The following WDPCP variants were observed in gnomAD, a reference collection of about 807,000 sequenced individuals.
WDPCP encodes WD repeat containing planar cell polarity effector.
A neutral mutation model predicts 93.1 loss-of-function variants in WDPCP; 71 were observed. The ratio of observed to expected loss-of-function variants is 0.76; its 90% CI spans 0.63 to 0.93. The LOEUF is 0.93. Among genes scored for constraint, WDPCP ranks in the 40% least tolerant of loss-of-function variants. WDPCP has a pLI of 0.00. For synonymous variants in WDPCP, 315 were observed against 315.0 expected (o/e 1.00, Z 0.00); for missense variants, 844 against 887.4 (o/e 0.95, Z 0.62).
intron 1 of WDPCP, among the ~76,000 whole-genome samples, chr2:63,577,370 T>C (rs1708185722): frequency 6.6e-6 from 1 of 152,188 alleles, no homozygotes; most frequent in Non-Finnish European, 1.5e-5. Flanking sequence ...AAGATATGTT[T>C]CCTCTAAATA....
In WDPCP at chr2:63,738,303, T is replaced by C. The variant is rs1669666273; in HGVS notation, n.308+75319A>G. Reference sequence around the variant, plus strand: ...TGATTGTATAATATTATCCACTTTATTTCACTTGTAATACGTGGTTTATCT... The same window carrying C: ...TGATTGTATAATATTATCCACTTTACTTCACTTGTAATACGTGGTTTATCT... On this transcript the variant is annotated intron_variant and non_coding_transcript_variant, in intron 2 of 4. Transcript: ENST00000467687. 3.3e-5 allele frequency among the ~76,000 whole-genome samples: 5 copies of C among 152,168 alleles called. No individual in the cohort carries two copies. The South Asian group carries it at 1.0e-3, about 32-fold the overall frequency.
chr2:63,338,842 G>A (rs1200139635), intron 12 of WDPCP, among the ~76,000 whole-genome samples: 1 of 151,264 alleles, frequency 6.6e-6, no homozygotes. Flanking sequence ...TTTTTGTTCA[G>A]GATTGCTTTG....
At chr2:63,217,952 C>T (rs903892701) in intron 14 of WDPCP, among the ~76,000 whole-genome samples, 4 of 152,058 alleles carry the variant, frequency 2.6e-5, no homozygotes, top group African/African-American at 9.7e-5. Context: ...AAGGTTGTCC[C>T]CTTAAGGTTG....
intron 3 of WDPCP, chr2:63,595,284 G>A: frequency 1.4e-6 from 1 of 693,614 alleles, no homozygotes; most frequent in Non-Finnish European, 2.7e-6. Flanking sequence ...CTAGATACCT[G>A]ACCTCCTAAA....
At chr2:63,671,188 C>T (rs1209899827) in intron 2 of WDPCP, among the ~76,000 whole-genome samples, 4 of 152,096 alleles carry the variant, frequency 2.6e-5, no homozygotes, top group African/African-American at 9.7e-5. Context: ...CCTACTAGAC[C>T]TCCAACTACA....
chr2:63,224,614 T>C (rs1275199110), intron 14 of WDPCP, among the ~76,000 whole-genome samples: 2 of 151,988 alleles, frequency 1.3e-5, no homozygotes, highest in African/African-American at 2.4e-5. Flanking sequence ...ATTAAATGCA[T>C]ATCACCAAGT....
chr2:63,285,113 C>G (rs1211872775), intron 13 of WDPCP, among the ~76,000 whole-genome samples: 1 of 152,144 alleles, frequency 6.6e-6, no homozygotes, highest in Admixed American at 6.5e-5. Context: ...TACATAATTA[C>G]ATTAAATGAA....
At chr2:63,668,888 G>A (rs1710315064) in intron 2 of WDPCP, among the ~76,000 whole-genome samples, 1 of 152,110 alleles carries the variant, frequency 6.6e-6, no homozygotes, top group Admixed American at 6.6e-5. Flanking sequence ...CCATATATTA[G>A]TGCTTGGTGT....
intron 9 of WDPCP, among the ~76,000 whole-genome samples, chr2:63,432,928 T>C (rs1217524458): frequency 6.6e-6 from 1 of 152,198 alleles, no homozygotes; most frequent in African/African-American, 2.4e-5. Context: ...TCTCGAATAC[T>C]AATTCTGGGA....
chr2:63,398,882 C>T (rs1437370778), intron 10 of WDPCP, among the ~76,000 whole-genome samples: 1 of 152,078 alleles, frequency 6.6e-6, no homozygotes, highest in Non-Finnish European at 1.5e-5. Context: ...TGCCCAGAAT[C>T]AGCACTGACA....
At chr2:63,709,057 CAAAAAAAAAAAAA>C (rs953764802) in intron 2 of WDPCP, among the ~76,000 whole-genome samples, 1 of 12,076 alleles carries the variant, frequency 8.3e-5, no homozygotes, top group Admixed American at 7.8e-4. Flanking sequence ...CCTGTCTCTA[CAAAAAAAAAAAAA>C]AAAAAAAAAA....
intron 2 of WDPCP, among the ~76,000 whole-genome samples, chr2:63,701,871 G>A (rs1180453994): frequency 6.6e-6 from 1 of 152,166 alleles, no homozygotes. Context: ...GGGGGATGAA[G>A]AGAGGTTGAC....
chr2:63,739,798 C>T (rs1331327299), intron 2 of WDPCP, among the ~76,000 whole-genome samples: 2 of 151,854 alleles, frequency 1.3e-5, no homozygotes, highest in Admixed American at 6.6e-5. Context: ...TGGTATCCCA[C>T]TCTGGTTTTG....
chr2:63,580,034 T>C (rs568604788), intron 1 of WDPCP, among the ~76,000 whole-genome samples: 2 of 152,160 alleles, frequency 1.3e-5, no homozygotes, highest in African/African-American at 2.4e-5. Flanking sequence ...ACTTCTGCCA[T>C]GAGATGACCC....
intron 14 of WDPCP, among the ~76,000 whole-genome samples, chr2:63,186,326 C>T (rs1038972037): frequency 1.3e-5 from 2 of 152,206 alleles, no homozygotes; most frequent in African/African-American, 4.8e-5. Context: ...CACTCCACAA[C>T]CACCACTCAG....
intron 6 of WDPCP, among the ~76,000 whole-genome samples, chr2:63,451,513 A>G (rs892551336): frequency 1.3e-4 from 20 of 152,324 alleles, no homozygotes; most frequent in African/African-American, 4.6e-4. Context: ...TCTACCAGAG[A>G]TACAAGGAGG....
chr2:63,681,550 A>G (rs1575746188), intron 2 of WDPCP, among the ~76,000 whole-genome samples: 1 of 152,136 alleles, frequency 6.6e-6, no homozygotes, highest in Non-Finnish European at 1.5e-5. Flanking sequence ...CAGACTTCTA[A>G]GGTTTTTGTC....
At chr2:63,208,871 G>T (rs1346168194) in intron 14 of WDPCP, among the ~76,000 whole-genome samples, 1 of 152,130 alleles carries the variant, frequency 6.6e-6, no homozygotes, top group Non-Finnish European at 1.5e-5. Flanking sequence ...TCCATAGGAG[G>T]TTTATACCCT....
At chr2:63,728,482 A>C (rs1345546681) in intron 2 of WDPCP, among the ~76,000 whole-genome samples, 1 of 152,248 alleles carries the variant, frequency 6.6e-6, no homozygotes, top group African/African-American at 2.4e-5. Context: ...GCTGGCTGGC[A>C]TCTTAATCAC....
Sources: gnomAD v4.1 joint callset for allele counts (sites outside exome capture counted in the v4.1 genomes callset) on GRCh38, gnomAD v4.1.1 for gene constraint, MANE v1.5 for transcripts, NCBI Gene and HGNC (gene_info 2026-07-23, HGNC 2026-07-21) for gene names.